The following N4BP2L1 variants were observed in gnomAD, a reference collection of about 807,000 sequenced individuals.
The protein encoded by N4BP2L1 is NEDD4-binding protein 2-like 1.
N4BP2L1 carries 12 observed loss-of-function variants against 21.2 expected under a neutral mutation model. The observed-to-expected ratio is 0.57, with a 90% confidence interval of 0.36 to 0.92. N4BP2L1 has a LOEUF of 0.92. N4BP2L1 is among the 40% of genes least tolerant of loss of function. The pLI is 0.01. For synonymous variants in N4BP2L1, 104 were observed against 112.8 expected (o/e 0.92, Z 0.49); for missense variants, 259 against 310.6 (o/e 0.83, Z 1.25).
Position 32,400,864 on chromosome 13 carries a change from A to G in N4BP2L1, c.*2078T>C, listed in dbSNP as rs1031083137. The G allele has an allele frequency of 6.6e-6, 1 of 152,248 alleles. No individual in the cohort carries two copies. Among genetic ancestry groups the G allele is most frequent in the African/African-American group, 2.4e-5 (1 of 41,474 alleles). 9.4% of individuals were successfully genotyped at this position (152,248 alleles called of 1,614,324 possible). The stretch of plus-strand genomic sequence containing the variant: ...ATTGGGTGTTCAAAGAGTTACACAA[A>G]TCAGAAGCCATGGGAGTTGAAAAAC... On this transcript the variant is annotated 3_prime_UTR_variant, in exon 5 of 5. Coordinates refer to ENST00000380130, the MANE Select transcript of N4BP2L1 (RefSeq NM_052818.3).
intron 1 of N4BP2L1, among the ~76,000 whole-genome samples, chr13:32,408,008 C>T (rs1039722672): frequency 1.3e-5 from 2 of 152,210 alleles, no homozygotes; most frequent in Non-Finnish European, 2.9e-5. Flanking sequence ...GTCCTTGAAA[C>T]TAAGAGGCAC....
chr13:32,427,511 G>C (rs2074848670), intron 1 of N4BP2L1, among the ~76,000 whole-genome samples: 3 of 152,294 alleles, frequency 2.0e-5, no homozygotes, highest in Middle Eastern at 3.4e-3. Flanking sequence ...GGGGAGGCTG[G>C]GGGCGGTGAA....
intron 1 of N4BP2L1, among the ~76,000 whole-genome samples, chr13:32,414,059 T>G (rs1388071074): frequency 6.6e-6 from 1 of 152,066 alleles, no homozygotes; most frequent in Admixed American, 6.6e-5. Flanking sequence ...TTTTTGTATT[T>G]TTAGTAGCAA....
intron 3 of N4BP2L1, chr13:32,406,507 T>C (rs573030105): frequency 1.3e-5 from 2 of 152,280 alleles, no homozygotes; most frequent in Admixed American, 6.5e-5. Context: ...TTCACTCTTG[T>C]CACCCAGGCT....
chr13:32,417,521 C>A (rs1221005634), intron 1 of N4BP2L1, among the ~76,000 whole-genome samples: 1 of 152,164 alleles, frequency 6.6e-6, no homozygotes, highest in African/African-American at 2.4e-5. Flanking sequence ...AACCTCTTTC[C>A]TTTATAAATT....
In N4BP2L1 at chr13:32,402,324, T is replaced by C. The variant is rs549093429; in HGVS notation, c.*618A>G. ...TGTAGCTATTAAGGATTTGACAGCA[T>C]TTTTAACAATGATACATCATTAAAA... is the stretch of plus-strand genomic sequence containing the variant. On this transcript the variant is annotated 3_prime_UTR_variant, in exon 5 of 5. Coordinates refer to ENST00000380130, the MANE Select transcript of N4BP2L1 (RefSeq NM_052818.3). 5.2e-6 allele frequency: 3 copies of C among 576,664 alleles called. No individual in the cohort carries two copies. The East Asian group carries it at 4.3e-4, about 83-fold the overall frequency. The allele number at this position is 576,664 out of a possible 1,614,324, so 35.7% of individuals were successfully genotyped here.
chr13:32,422,569 G>T (rs955789271), intron 1 of N4BP2L1, among the ~76,000 whole-genome samples: 6 of 152,188 alleles, frequency 3.9e-5, no homozygotes, highest in Non-Finnish European at 8.8e-5. Flanking sequence ...GATTGCCCCA[G>T]TTCAGCAGGG....
In N4BP2L1 at chr13:32,401,925, A is replaced by C; in HGVS notation, c.*1017T>G. ...ACCTGTTGGAAATTAATTTGGATTC[A>C]TAAATTCAGCATCAGTATAAGAAGA... On this transcript the variant is annotated 3_prime_UTR_variant, in exon 5 of 5. Coordinates refer to ENST00000380130, the MANE Select transcript of N4BP2L1 (RefSeq NM_052818.3). 4.1e-6 allele frequency: 4 copies of C among 985,696 alleles called. No individual in the cohort carries two copies. Among genetic ancestry groups the C allele is most frequent in the Non-Finnish European group, 3.6e-6 (3 of 829,848 alleles). 61.1% of individuals were successfully genotyped at this position (985,696 alleles called of 1,614,324 possible).
Position 32,402,649 on chromosome 13 carries a change from T to C in N4BP2L1, c.*293A>G, listed in dbSNP as rs2073211706. ...TAATATAAACACTTTATTTCATCTA[T>C]GAACCTATGTAAATATATTCTTGGG... is the stretch of plus-strand genomic sequence containing the variant. On this transcript the variant is annotated 3_prime_UTR_variant, in exon 5 of 5. Coordinates refer to ENST00000380130, the MANE Select transcript of N4BP2L1 (RefSeq NM_052818.3). 3 of 1,140,046 alleles carry C rather than the reference T, an allele frequency of 2.6e-6. No homozygotes were observed. Among genetic ancestry groups the C allele is most frequent in the Non-Finnish European group, 3.2e-6 (3 of 927,516 alleles). The allele number at this position is 1,140,046 out of a possible 1,614,324, so 70.6% of individuals were successfully genotyped here. A position where few individuals can be genotyped will look rare whatever the true frequency, so the allele number is the denominator to read the frequency against.
At chr13:32,419,813 C>T (rs540041706) in intron 1 of N4BP2L1, among the ~76,000 whole-genome samples, 21 of 152,330 alleles carry the variant, frequency 1.4e-4, no homozygotes, top group African/African-American at 3.6e-4. Flanking sequence ...AGGAGACTGA[C>T]GGAGAGGATT....
Position 32,403,048 on chromosome 13 carries a change from G to A in N4BP2L1, c.626C>T (p.Ala209Val). 6.2e-7 allele frequency: 1 copy of A among 1,614,082 alleles called. No homozygotes were observed. Among genetic ancestry groups the A allele is most frequent in the Non-Finnish European group, 8.5e-7 (1 of 1,180,020 alleles). The stretch of plus-strand genomic sequence containing the variant: ...CTCTGTGTAGGAATTCCAGTATCTG[G>A]CATTGTTGGAAGGCAATGCATTATT... ...DRNNALPSNN[A>V]RYWNSYTEFP... Residue 209 changes from alanine (A) to valine (V), a missense_variant, in exon 5 of 5, where the codon GCC becomes GTC. Transcript: ENST00000380130.
upstream of N4BP2L1, among the ~76,000 whole-genome samples, chr13:32,428,819 A>G (rs1322964199): frequency 6.6e-6 from 1 of 152,164 alleles, no homozygotes; most frequent in African/African-American, 2.4e-5. Context: ...TTCTTGGAGA[A>G]CTCTTTCAGA....
At chr13:32,411,144 A>G (rs2073835258) in intron 1 of N4BP2L1, among the ~76,000 whole-genome samples, 1 of 152,184 alleles carries the variant, frequency 6.6e-6, no homozygotes, top group Non-Finnish European at 1.5e-5. Context: ...ACAGCACATA[A>G]CACTACTGCC....
At chr13:32,422,242 TA>T (rs2074522520) in intron 1 of N4BP2L1, among the ~76,000 whole-genome samples, 1 of 152,148 alleles carries the variant, frequency 6.6e-6, no homozygotes, top group East Asian at 1.9e-4. Context: ...CAGGTTAACT[TA>T]GCCCGCTTAT....
intron 1 of N4BP2L1, among the ~76,000 whole-genome samples, chr13:32,408,192 G>T (rs935942877): frequency 2.0e-5 from 3 of 152,310 alleles, no homozygotes; most frequent in Admixed American, 1.3e-4. Context: ...CCCCCATGCT[G>T]CAGCCCTTCC....
upstream of N4BP2L1, among the ~76,000 whole-genome samples, chr13:32,429,568 A>G (rs562210301): frequency 1.1e-3 from 170 of 152,334 alleles, 1 homozygote; most frequent in South Asian, 7.5e-3. Context: ...GCTAGTGAGC[A>G]CTTGGAATGT....
intron 4 of N4BP2L1, chr13:32,404,112 A>C (rs1361290080): frequency 6.4e-7 from 1 of 1,562,856 alleles, no homozygotes; most frequent in Admixed American, 1.9e-5. Flanking sequence ...GTCCAAGCCA[A>C]GATTTAGCAT....
chr13:32,421,864 T>C (rs1051369562), intron 1 of N4BP2L1, among the ~76,000 whole-genome samples: 1 of 152,114 alleles, frequency 6.6e-6, no homozygotes, highest in Non-Finnish European at 1.5e-5. Flanking sequence ...TAAAAAAAAA[T>C]TCTTATTGGG....
rs34280009 is a variant in N4BP2L1 at position 32,419,239 on chromosome 13, C to CTT, written c.179+8663_179+8664dup. On this transcript the variant is annotated intron_variant, in intron 1 of 4. Transcript: ENST00000380130. ...GATAGTGAGTTCTCACAAGATCTGGCTTTTTTTTTTTTTTTTTTTTTTTTG... is the reference window on the plus strand; with the variant it reads ...GATAGTGAGTTCTCACAAGATCTGGCTTTTTTTTTTTTTTTTTTTTTTTTTTG... Among the ~76,000 whole-genome samples the CTT allele has an allele frequency of 9.1e-3, 560 of 61,310 alleles. 1 individual carries two copies. The highest frequency in any genetic ancestry group is 0.014 in the East Asian group (35 of 2,516). 40.2% of individuals were successfully genotyped at this position (61,310 alleles called of 152,430 possible).
Sources: allele counts gnomAD v4.1 joint callset (sites outside exome capture counted in the v4.1 genomes callset), GRCh38; gene constraint gnomAD v4.1.1; transcripts MANE v1.5; gene names NCBI Gene and HGNC (gene_info 2026-07-23, HGNC 2026-07-21).